Variants in NRG1 observed in about 807,000 individuals in gnomAD.
NRG1 encodes pro-neuregulin-1, membrane-bound isoform.
Under a neutral mutation model 63.8 loss-of-function variants are expected in NRG1, and 18 were observed. The ratio of observed to expected loss-of-function variants is 0.28; its 90% CI spans 0.19 to 0.42. NRG1 has a LOEUF of 0.42. Among genes scored for constraint, NRG1 ranks in the 10% least tolerant of loss-of-function variants. The pLI, the probability that NRG1 is intolerant of heterozygous loss-of-function variation, is 1.00. For missense variants in NRG1, 762 were observed against 814.7 expected, an observed-to-expected ratio of 0.94 and a Z score of 0.79; for synonymous variants, 302 against 301.3, an observed-to-expected ratio of 1.00 and a Z score of -0.02.
chr8:31,990,799 T>C (rs1236997378), intron 1 of NRG1, among the ~76,000 whole-genome samples: 1 of 152,078 alleles, frequency 6.6e-6, no homozygotes, highest in Non-Finnish European at 1.5e-5. Context: ...GTTAAACTTT[T>C]CCAGGATTGT....
rs571043555 is a variant in NRG1 at position 32,456,093 on chromosome 8, T to A, written c.38-139735T>A. On this transcript the variant is annotated intron_variant, in intron 1 of 10. Coordinates refer to the NRG1 transcript ENST00000519301. ...CTGTTCTTTTTACTAATTGTTTCAT[T>A]GGCTGTCAGCCCTTAGAGGAAAAAC... Among the ~76,000 whole-genome samples, 3 of 152,368 alleles carry A rather than the reference T, an allele frequency of 2.0e-5. No homozygotes were observed. The South Asian group carries it at 6.2e-4, about 32-fold the overall frequency.
At chr8:31,720,245 GTGAC>G (rs997428988) in intron 1 of NRG1, among the ~76,000 whole-genome samples, 22 of 152,240 alleles carry the variant, frequency 1.4e-4, no homozygotes, top group African/African-American at 5.1e-4. Flanking sequence ...GATAGGTGGA[GTGAC>G]TGATACATTG....
chr8:32,593,805 TAA>T (rs1280133956), intron 1 of NRG1, among the ~76,000 whole-genome samples: 3 of 120,722 alleles, frequency 2.5e-5, no homozygotes, highest in Non-Finnish European at 5.2e-5. Context: ...AACCACATTT[TAA>T]AAAGACTTCT....
At chr8:31,846,594 A>G (rs1322508543) in intron 1 of NRG1, among the ~76,000 whole-genome samples, 51 of 152,216 alleles carry the variant, frequency 3.4e-4, no homozygotes, top group Admixed American at 3.3e-3. Context: ...AAGTGCTCAC[A>G]GGATAATAGA....
intron 1 of NRG1, among the ~76,000 whole-genome samples, chr8:32,128,608 A>G (rs1834405931): frequency 6.6e-6 from 1 of 151,970 alleles, no homozygotes; most frequent in Non-Finnish European, 1.5e-5. Flanking sequence ...GTTGAATTCT[A>G]TCAGCTTTCC....
At chr8:32,031,118 G>A (rs1818195812) in intron 1 of NRG1, among the ~76,000 whole-genome samples, 1 of 152,156 alleles carries the variant, frequency 6.6e-6, no homozygotes, top group Non-Finnish European at 1.5e-5. Flanking sequence ...TGGTGCCGTG[G>A]TCTGTTTGGG....
intron 1 of NRG1, among the ~76,000 whole-genome samples, chr8:32,114,337 G>A (rs911725276): frequency 2.0e-5 from 3 of 152,176 alleles, no homozygotes; most frequent in South Asian, 2.1e-4. Context: ...GAAGTGATGC[G>A]ATAAAACAGC....
chr8:32,330,901 C>T (rs942042170), intron 1 of NRG1, among the ~76,000 whole-genome samples: 9 of 152,108 alleles, frequency 5.9e-5, no homozygotes, highest in Non-Finnish European at 1.0e-4. Flanking sequence ...GACATTTATT[C>T]TCTTCTGATT....
rs558728083 is a variant in NRG1 at position 31,826,903 on chromosome 8, G to C, written c.37+187472G>C. Among the ~76,000 whole-genome samples, 10 of 152,238 alleles carry C rather than the reference G, an allele frequency of 6.6e-5. No homozygotes were observed. In the East Asian group the frequency reaches 1.9e-3, roughly 29 times the overall value. On this transcript the variant is annotated intron_variant, in intron 1 of 10. Transcript: ENST00000519301. ...TTAATTTTGTTTTGTTTTTGTTTTA[G>C]TTGTATGATGCTAAATCCAATTCTA...
At chr8:32,416,547 G>A (rs112052646) in intron 1 of NRG1, among the ~76,000 whole-genome samples, 18 of 152,254 alleles carry the variant, frequency 1.2e-4, no homozygotes, top group East Asian at 5.8e-4. Flanking sequence ...TACTTGACCC[G>A]AAAACTTGTT....
chr8:32,179,716 A>C (rs1288060460), intron 1 of NRG1, among the ~76,000 whole-genome samples: 1 of 152,190 alleles, frequency 6.6e-6, no homozygotes, highest in Non-Finnish European at 1.5e-5. Flanking sequence ...CTACTAGCCA[A>C]GACTGTAGTC....
At position 31,824,714 on chromosome 8, in the gene NRG1, C is replaced by T. The variant is rs117676942; in HGVS notation, c.37+185283C>T. Among the ~76,000 whole-genome samples, 309 of 152,230 alleles carry T rather than the reference C, an allele frequency of 2.0e-3. 4 individuals carry two copies. In the East Asian group the frequency reaches 0.044, roughly 22 times the overall value. The stretch of plus-strand genomic sequence containing the variant: ...ATTGTTTTAATAACAGTATAATTGG[C>T]GAAAGGAAGTTATGTGTAATAAGAA... On this transcript the variant is annotated intron_variant, in intron 1 of 10. Coordinates refer to the NRG1 transcript ENST00000519301.
intron 1 of NRG1, among the ~76,000 whole-genome samples, chr8:32,551,466 A>G (rs1166817855): frequency 6.6e-6 from 1 of 152,194 alleles, no homozygotes. Context: ...TCAGCCACTC[A>G]GCCCCGCTGT....
chr8:32,478,074 C>T (rs1824752445), intron 1 of NRG1, among the ~76,000 whole-genome samples: 1 of 152,192 alleles, frequency 6.6e-6, no homozygotes, highest in African/African-American at 2.4e-5. Context: ...ATTGCCTGAT[C>T]TTTTTGAGTG....
intron 5 of NRG1, among the ~76,000 whole-genome samples, chr8:32,706,047 A>G (rs1020774397): frequency 6.6e-6 from 1 of 152,242 alleles, no homozygotes; most frequent in African/African-American, 2.4e-5. Flanking sequence ...CTTAAGAGGA[A>G]TTTGCTTATG....
At position 32,688,897 on chromosome 8, in the gene NRG1, T is replaced by A. The variant is rs570447227; in HGVS notation, c.503-39052T>A. ...GTTCATCTATTAGGCATTTGAAATG[T>A]TGAATTACTTTGAATTGCATTTGTT... On this transcript the variant is annotated intron_variant, in intron 5 of 11. Transcript: ENST00000356819. Among the ~76,000 whole-genome samples, 5 of 152,326 alleles carry A rather than the reference T, an allele frequency of 3.3e-5. No individual in the cohort carries two copies. The East Asian group carries it at 9.6e-4, about 29-fold the overall frequency.
intron 1 of NRG1, among the ~76,000 whole-genome samples, chr8:32,479,133 C>G (rs1053560317): frequency 5.3e-5 from 8 of 152,044 alleles, no homozygotes; most frequent in Admixed American, 2.0e-4. Context: ...GGCGGAGTGC[C>G]AAAGAATTTG....
intron 1 of NRG1, among the ~76,000 whole-genome samples, chr8:31,904,290 G>C (rs1832339077): frequency 6.6e-6 from 1 of 152,128 alleles, no homozygotes; most frequent in African/African-American, 2.4e-5. Context: ...TGAACTAAGA[G>C]ATTGAGAGTT....
At chr8:32,478,764 G>C (rs1000718918) in intron 1 of NRG1, among the ~76,000 whole-genome samples, 7 of 152,170 alleles carry the variant, frequency 4.6e-5, no homozygotes, top group African/African-American at 1.2e-4. Flanking sequence ...GCATTAAAAT[G>C]ATCCAAGATG....
Sources: gnomAD v4.1 joint callset for allele counts (sites outside exome capture counted in the v4.1 genomes callset) on GRCh38, gnomAD v4.1.1 for gene constraint, MANE v1.5 for transcripts, NCBI Gene and HGNC (gene_info 2026-07-23, HGNC 2026-07-21) for gene names.